P4HB: variants seen among roughly 807,000 people sequenced by gnomAD.
P4HB encodes the protein prolyl 4-hydroxylase subunit beta, also known as protein disulfide-isomerase.
P4HB carries 20 observed loss-of-function variants against 52.6 expected under a neutral mutation model. That is an observed-to-expected ratio of 0.38 (90% CI 0.27 to 0.55). The LOEUF (loss-of-function observed/expected upper bound fraction) is 0.55. Among genes scored for constraint, P4HB ranks in the 20% least tolerant of loss-of-function variants. The probability of loss-of-function intolerance (pLI) is 0.74; values close to 1 mark genes in which losing one functional copy is unlikely to be tolerated. For synonymous variants in P4HB, 296 were observed against 277.9 expected, an observed-to-expected ratio of 1.07 and a Z score of -0.65; for missense variants, 601 against 669.2, an observed-to-expected ratio of 0.90 and a Z score of 1.12.
intron 4 of P4HB, among the ~76,000 whole-genome samples, chr17:81,851,775 G>C (rs919651426): frequency 6.6e-6 from 1 of 152,208 alleles, no homozygotes; most frequent in African/African-American, 2.4e-5. Context: ...TTTCAGCAGA[G>C]ATGCTACACC....
Position 81,843,741 on chromosome 17 carries a change from C to A in P4HB, c.*271G>T, listed in dbSNP as rs979353786. ...CGGTAGCAAGCACTCTGGACAGACTCATGTATGAAAAAGTACATCATGGTT... is the reference window on the plus strand; with the variant it reads ...CGGTAGCAAGCACTCTGGACAGACTAATGTATGAAAAAGTACATCATGGTT... On this transcript the variant is annotated 3_prime_UTR_variant, in exon 11 of 11. Transcript: ENST00000331483. 1 of 583,376 alleles carries A rather than the reference C, an allele frequency of 1.7e-6. No individual in the cohort carries two copies. The highest frequency in any genetic ancestry group is 1.9e-5 in the African/African-American group (1 of 53,702). 36.1% of individuals were successfully genotyped at this position (583,376 alleles called of 1,614,324 possible). A position where few individuals can be genotyped will look rare whatever the true frequency, so the allele number is the denominator to read the frequency against.
Position 81,846,925 on chromosome 17 carries a change from G to A in P4HB, c.855+22C>T, listed in dbSNP as rs2038744460. 2.5e-6 allele frequency: 4 copies of A among 1,613,026 alleles called. No individual in the cohort carries two copies. The highest frequency in any genetic ancestry group is 1.7e-5 in the Admixed American group (1 of 59,998). The stretch of plus-strand genomic sequence containing the variant: ...ACTGCTCCCTGGCACCGCCCCACGA[G>A]CCACCCAGAAGAGCAGCTCACCTTG... On this transcript the variant is annotated intron_variant, in intron 6 of 10. Transcript: ENST00000331483. The surrounding 1 kb of genome is among the most constrained non-coding windows in gnomAD (Gnocchi z 5.7).
At chr17:81,845,290 T>C in intron 9 of P4HB, 60 bp from the exon 10 acceptor site, 6 of 1,376,522 alleles carry the variant, frequency 4.4e-6, no homozygotes, top group South Asian at 1.2e-5. Context: ...TCTCCTGGCA[T>C]TGGCTCCTCC....
At chr17:81,854,833 C>T (rs1215383662) in intron 4 of P4HB, among the ~76,000 whole-genome samples, 1 of 146,110 alleles carries the variant, frequency 6.8e-6, no homozygotes, top group Non-Finnish European at 1.5e-5. Flanking sequence ...CAGAGCAAGA[C>T]TCTCCCAAAA....
intron 10 of P4HB, among the ~76,000 whole-genome samples, chr17:81,844,645 C>T (rs536137516): frequency 1.8e-4 from 28 of 152,312 alleles, no homozygotes; most frequent in African/African-American, 6.5e-4. Context: ...ACCATGCCCT[C>T]ATCTCCTTCA....
rs1328394678 is a variant in P4HB at position 81,855,731 on chromosome 17, C to A, written c.353-145G>T. ...AGATGTTCTCCCACCATGGAAGAGG[C>A]CCGGTGCCGTCCGCCCGCCTCCTAA... On this transcript the variant is annotated intron_variant, in intron 2 of 10. Transcript: ENST00000331483. The surrounding 1 kb of genome is among the most constrained non-coding windows in gnomAD (Gnocchi z 4.3). 11 of 931,940 alleles carry A rather than the reference C, an allele frequency of 1.2e-5. No homozygotes were observed. The highest frequency in any genetic ancestry group is 2.7e-5 in the East Asian group (1 of 37,188). The allele number at this position is 931,940 out of a possible 1,614,324, so 57.7% of individuals were successfully genotyped here.
Position 81,855,525 on chromosome 17 carries a change from G to T in P4HB, c.414C>A (p.Thr138=). 6.2e-7 allele frequency: 1 copy of T among 1,613,962 alleles called. No homozygotes were observed. The highest frequency in any genetic ancestry group is 8.5e-7 in the Non-Finnish European group (1 of 1,179,996). ...WLKKRTGPAA[T]TLPDGAAAES... The stretch of plus-strand genomic sequence containing the variant: ...CTGCAGCTGCGCCGTCAGGCAGGGT[G>T]GTGGCAGCCGGGCCCGTGCGCTTCT... Residue 138 remains threonine, a synonymous_variant, in exon 3 of 11, where the codon ACC becomes ACA. Coordinates refer to ENST00000331483, the MANE Select transcript of P4HB (RefSeq NM_000918.4). The surrounding 1 kb of genome is among the most constrained non-coding windows in gnomAD (Gnocchi z 4.3).
At chr17:81,852,614 C>T (rs2038850193) in intron 4 of P4HB, among the ~76,000 whole-genome samples, 1 of 152,278 alleles carries the variant, frequency 6.6e-6, no homozygotes, top group East Asian at 1.9e-4. Flanking sequence ...AGGAAAGCGC[C>T]ACCCACCAAC....
Position 81,855,739 on chromosome 17 carries a change from C to T in P4HB, c.353-153G>A, listed in dbSNP as rs2143355363. On this transcript the variant is annotated intron_variant, in intron 2 of 10. Transcript: ENST00000331483. This position sits in a 1 kb window ranked among gnomAD's most constrained non-coding sequence, Gnocchi z 4.3. ...TCCCACCATGGAAGAGGCCCGGTGC[C>T]GTCCGCCCGCCTCCTAAACCCCAGT... The T allele has an allele frequency of 2.5e-6, 2 of 806,262 alleles. No homozygotes were observed. Among genetic ancestry groups the T allele is most frequent in the Non-Finnish European group, 3.8e-6 (2 of 527,888 alleles). 49.9% of individuals were successfully genotyped at this position (806,262 alleles called of 1,614,324 possible). A position where few individuals can be genotyped will look rare whatever the true frequency, so the allele number is the denominator to read the frequency against.
At chr17:81,850,876 T>C (rs1321450717) in intron 4 of P4HB, among the ~76,000 whole-genome samples, 1 of 152,034 alleles carries the variant, frequency 6.6e-6, no homozygotes, top group Non-Finnish European at 1.5e-5. Context: ...AATCCTCTTG[T>C]CCTGGCCTCC....
intron 4 of P4HB, among the ~76,000 whole-genome samples, chr17:81,849,826 A>ATT (rs200601683): frequency 1.3e-5 from 2 of 151,106 alleles, no homozygotes; most frequent in African/African-American, 2.4e-5. Flanking sequence ...TTTAAAATTT[A>ATT]TTTATTTTTT....
intron 2 of P4HB, among the ~76,000 whole-genome samples, chr17:81,856,647 C>CT (rs112230345): frequency 0.011 from 1,363 of 128,438 alleles, 11 homozygotes; most frequent in Non-Finnish European, 0.015. Context: ...AATGTTTCTT[C>CT]TTTTTTTTTT....
At chr17:81,847,460 G>T in intron 4 of P4HB, 113 bp from the exon 5 acceptor site, 1 of 838,832 alleles carries the variant, frequency 1.2e-6, no homozygotes, top group Non-Finnish European at 2.1e-6. Flanking sequence ...GCCCTCCCGT[G>T]GGGTTTCGAG....
rs987366890 is a variant in P4HB at position 81,846,807 on chromosome 17, G to A, written c.855+140C>T. 6.5e-5 allele frequency: 83 copies of A among 1,270,074 alleles called. No individual in the cohort carries two copies. Among genetic ancestry groups the A allele is most frequent in the Non-Finnish European group, 8.4e-5 (75 of 898,182 alleles). 78.7% of individuals were successfully genotyped at this position (1,270,074 alleles called of 1,614,324 possible). ...AGAGGTCTGGCCTGGCTGGCCCCTCGCCTACATCCAGGCTGTCCTGAATCA... is the reference window on the plus strand; with the variant it reads ...AGAGGTCTGGCCTGGCTGGCCCCTCACCTACATCCAGGCTGTCCTGAATCA... On this transcript the variant is annotated intron_variant, in intron 6 of 10. Transcript: ENST00000331483. The surrounding 1 kb of genome is among the most constrained non-coding windows in gnomAD (Gnocchi z 5.7).
At position 81,846,311 on chromosome 17, in the gene P4HB, C is replaced by A. The variant is rs563979189; in HGVS notation, c.1056+118G>T. 1 of 963,272 alleles carries A rather than the reference C, an allele frequency of 1.0e-6. No homozygotes were observed. The allele number at this position is 963,272 out of a possible 1,614,324, so 59.7% of individuals were successfully genotyped here. On this transcript the variant is annotated intron_variant, in intron 7 of 10. Transcript: ENST00000331483. This position sits in a 1 kb window ranked among gnomAD's most constrained non-coding sequence, Gnocchi z 5.7. ...GTGGTCTTCACACCATCTTGGGCTC[C>A]GTCCTCTTACTCTGAAGATCTTACT...
intron 4 of P4HB, among the ~76,000 whole-genome samples, chr17:81,849,793 C>T (rs2038798930): frequency 6.6e-6 from 1 of 151,950 alleles, no homozygotes; most frequent in East Asian, 1.9e-4. Context: ...CCATCATTCC[C>T]CCGAACTACT....
intron 2 of P4HB, among the ~76,000 whole-genome samples, chr17:81,857,910 C>T (rs1490184014): frequency 6.6e-6 from 1 of 152,166 alleles, no homozygotes; most frequent in Non-Finnish European, 1.5e-5. Context: ...GAGTGCTCAT[C>T]TCATCTGCAA....
At position 81,855,332 on chromosome 17, in the gene P4HB, T is replaced by G. The variant is rs535598598; in HGVS notation, c.487-53A>C. On this transcript the variant is annotated intron_variant, in intron 3 of 10. Coordinates refer to ENST00000331483, the MANE Select transcript of P4HB (RefSeq NM_000918.4). This position sits in a 1 kb window ranked among gnomAD's most constrained non-coding sequence, Gnocchi z 4.3. The stretch of plus-strand genomic sequence containing the variant: ...GTCATGATCCCGCAGCACCAAGCAG[T>G]AGGGCAGACCCTGTAGAGCCCAGGC... 18 of 1,611,738 alleles carry G rather than the reference T, an allele frequency of 1.1e-5. No individual in the cohort carries two copies. The Admixed American group carries it at 1.2e-4, about 10-fold the overall frequency.
At chr17:81,852,476 G>T (rs2038847182) in intron 4 of P4HB, among the ~76,000 whole-genome samples, 1 of 152,246 alleles carries the variant, frequency 6.6e-6, no homozygotes, top group African/African-American at 2.4e-5. Flanking sequence ...CCTCTCAGCT[G>T]CGGGGTGAGC....
Sources: allele counts gnomAD v4.1 joint callset (sites outside exome capture counted in the v4.1 genomes callset), GRCh38; gene constraint gnomAD v4.1.1; non-coding constraint Gnocchi (gnomAD v3.1); transcripts MANE v1.5; gene names NCBI Gene and HGNC (gene_info 2026-07-23, HGNC 2026-07-21).